The following LSAMP variants were observed in gnomAD, a reference collection of about 807,000 sequenced individuals.
LSAMP encodes limbic system-associated membrane protein.
Under a neutral mutation model 38.6 loss-of-function variants are expected in LSAMP, and 7 were observed. That is an observed-to-expected ratio of 0.18 (90% CI 0.10 to 0.34). The LOEUF (loss-of-function observed/expected upper bound fraction) is 0.34. Among genes scored for constraint, LSAMP ranks in the 10% least tolerant of loss-of-function variants. The pLI is 1.00. For synonymous variants in LSAMP, 154 were observed against 166.8 expected, an observed-to-expected ratio of 0.92 and a Z score of 0.59; for missense variants, 313 against 420.0, an observed-to-expected ratio of 0.75 and a Z score of 2.23.
At chr3:115,886,992 G>T (rs567699004) in intron 3 of LSAMP, among the ~76,000 whole-genome samples, 2 of 151,750 alleles carry the variant, frequency 1.3e-5, no homozygotes, top group Admixed American at 1.3e-4. Flanking sequence ...CTCCCATGAC[G>T]GAGACCTAAT....
intron 1 of LSAMP, among the ~76,000 whole-genome samples, chr3:116,381,900 T>C (rs1274886771): frequency 6.6e-6 from 1 of 152,052 alleles, no homozygotes; most frequent in African/African-American, 2.4e-5. Flanking sequence ...AAGGGAGAGG[T>C]TGGAAAACTA....
At chr3:116,107,392 T>C (rs1044295815) in intron 1 of LSAMP, among the ~76,000 whole-genome samples, 3 of 152,128 alleles carry the variant, frequency 2.0e-5, no homozygotes, top group South Asian at 2.1e-4. Context: ...ATTAAAGCAG[T>C]GGCAGCCGCT....
At position 115,817,001 on chromosome 3, in the gene LSAMP, G is replaced by A. The variant is rs528001558; in HGVS notation, c.920-6587C>T. Among the ~76,000 whole-genome samples, 45 of 152,326 alleles carry A rather than the reference G, an allele frequency of 3.0e-4. 1 individual carries two copies. In the South Asian group the frequency reaches 7.5e-3, roughly 25 times the overall value. On this transcript the variant is annotated intron_variant, in intron 6 of 6. Coordinates refer to ENST00000490035, the MANE Select transcript of LSAMP (RefSeq NM_002338.5). ...TAGAATGTGTCCGATCCATAACCTC[G>A]TCCTACCATTTTGCCCTGGTTTATT...
intron 1 of LSAMP, among the ~76,000 whole-genome samples, chr3:116,262,542 G>T (rs1249141595): frequency 2.0e-5 from 3 of 152,104 alleles, no homozygotes; most frequent in Non-Finnish European, 2.9e-5. Context: ...TAGGCTTTTG[G>T]GCTGTAGGCA....
At chr3:116,171,588 G>A (rs1016725961) in intron 1 of LSAMP, among the ~76,000 whole-genome samples, 3 of 151,808 alleles carry the variant, frequency 2.0e-5, no homozygotes, top group African/African-American at 7.3e-5. Context: ...CAAGTATTTG[G>A]GCAAATAAAA....
chr3:116,103,597 C>A (rs1708398031), intron 1 of LSAMP, among the ~76,000 whole-genome samples: 1 of 137,740 alleles, frequency 7.3e-6, no homozygotes. Flanking sequence ...GCTTTGAGGA[C>A]ATGAGTCAAT....
intron 3 of LSAMP, among the ~76,000 whole-genome samples, chr3:115,934,205 G>T (rs1412339956): frequency 6.7e-6 from 1 of 148,262 alleles, no homozygotes; most frequent in Non-Finnish European, 1.5e-5. Flanking sequence ...TTCAGTCAGA[G>T]TGTCACTCTG....
At chr3:116,297,761 G>A (rs1175282164) in intron 1 of LSAMP, among the ~76,000 whole-genome samples, 1 of 152,124 alleles carries the variant, frequency 6.6e-6, no homozygotes, top group Non-Finnish European at 1.5e-5. Flanking sequence ...TTATTTGTAT[G>A]TAATAAAAAT....
chr3:116,341,654 A>G (rs1259507953), intron 1 of LSAMP, among the ~76,000 whole-genome samples: 2 of 152,000 alleles, frequency 1.3e-5, no homozygotes, highest in African/African-American at 2.4e-5. Context: ...GACAAATTAG[A>G]TATCAGTTTG....
intron 1 of LSAMP, among the ~76,000 whole-genome samples, chr3:116,411,911 A>T (rs1252646517): frequency 6.6e-6 from 1 of 151,984 alleles, no homozygotes; most frequent in African/African-American, 2.4e-5. Flanking sequence ...GGATCCTGAA[A>T]AAAGGATAAG....
chr3:116,114,136 T>C (rs1708690435), intron 1 of LSAMP, among the ~76,000 whole-genome samples: 1 of 152,180 alleles, frequency 6.6e-6, no homozygotes. Flanking sequence ...ATAACATGTC[T>C]CAATCCTTCC....
chr3:116,370,211 A>C (rs2048411568), intron 1 of LSAMP: 1 of 152,238 alleles, frequency 6.6e-6, no homozygotes, highest in Non-Finnish European at 1.5e-5. Flanking sequence ...AAGGGAAAAG[A>C]TGTTTGAGGG....
intron 1 of LSAMP, among the ~76,000 whole-genome samples, chr3:116,207,950 CT>C (rs1218910427): frequency 4.0e-5 from 6 of 148,550 alleles, no homozygotes; most frequent in Non-Finnish European, 9.0e-5. Context: ...GTTGGCCTGC[CT>C]TGCTAGATTG....
chr3:116,055,958 C>G (rs532466450), intron 2 of LSAMP, among the ~76,000 whole-genome samples: 2 of 148,704 alleles, frequency 1.3e-5, no homozygotes, highest in Non-Finnish European at 1.5e-5. Context: ...GAAAAGGATC[C>G]CTGCTTTTTT....
intron 3 of LSAMP, among the ~76,000 whole-genome samples, chr3:115,914,089 C>T (rs1437856720): frequency 2.6e-5 from 4 of 152,198 alleles, no homozygotes; most frequent in African/African-American, 4.8e-5. Flanking sequence ...GTGGCAGCTC[C>T]GCAGATACAA....
At chr3:116,254,437 GAGAA>G (rs1222176967) in intron 1 of LSAMP, among the ~76,000 whole-genome samples, 1 of 152,076 alleles carries the variant, frequency 6.6e-6, no homozygotes, top group East Asian at 1.9e-4. Flanking sequence ...GAGGGAGAAA[GAGAA>G]AGGGAAAGGA....
At chr3:116,251,177 C>A (rs1470851640) in intron 1 of LSAMP, among the ~76,000 whole-genome samples, 1 of 152,166 alleles carries the variant, frequency 6.6e-6, no homozygotes, top group Non-Finnish European at 1.5e-5. Flanking sequence ...TTAGCCAAAA[C>A]AATAAACTGT....
intron 1 of LSAMP, among the ~76,000 whole-genome samples, chr3:116,384,409 G>A (rs774390159): frequency 3.0e-4 from 45 of 152,196 alleles, no homozygotes; most frequent in Middle Eastern, 3.4e-3. Context: ...TATGATGCAT[G>A]GCCTACATCT....
chr3:116,130,179 T>C (rs1372243590), intron 1 of LSAMP, among the ~76,000 whole-genome samples: 2 of 152,200 alleles, frequency 1.3e-5, no homozygotes, highest in East Asian at 1.9e-4. Context: ...TCTTTTCCTT[T>C]ACTTCATACA....
Sources: allele counts gnomAD v4.1 joint callset (sites outside exome capture counted in the v4.1 genomes callset), GRCh38; gene constraint gnomAD v4.1.1; transcripts MANE v1.5; gene names NCBI Gene and HGNC (gene_info 2026-07-23, HGNC 2026-07-21).